The following SLC17A6 variants were observed in gnomAD, a reference collection of about 807,000 sequenced individuals.
SLC17A6 encodes solute carrier family 17 member 6.
A neutral mutation model predicts 67.1 loss-of-function variants in SLC17A6; 35 were observed. The observed-to-expected ratio is 0.52, with a 90% CI of 0.40 to 0.69. The LOEUF (loss-of-function observed/expected upper bound fraction) is 0.69. Ranked by LOEUF, SLC17A6 falls within the 30% of genes least tolerant of loss-of-function variation. The pLI is 0.00. For synonymous variants in SLC17A6, 285 were observed against 252.3 expected (o/e 1.13, Z -1.23); for missense variants, 588 against 723.9 (o/e 0.81, Z 2.15).
intron 7 of SLC17A6, among the ~76,000 whole-genome samples, chr11:22,367,104 T>A (rs1458848572): frequency 2.0e-5 from 3 of 152,048 alleles, no homozygotes; most frequent in Non-Finnish European, 4.4e-5. Context: ...AGTTTCCTTA[T>A]GCTAAGAGCT....
chr11:22,365,729 C>T, intron 7 of SLC17A6, 40 bp downstream of exon 7: 1 of 1,567,286 alleles, frequency 6.4e-7, no homozygotes, highest in Non-Finnish European at 8.6e-7. Flanking sequence ...ATCTTATTCC[C>T]ATCTCGCCCC....
In SLC17A6 at chr11:22,351,956, A is replaced by C. The variant is rs151052148; in HGVS notation, c.459-7457A>C. 3.4e-3 allele frequency among the ~76,000 whole-genome samples: 524 copies of C among 152,304 alleles called. 3 individuals carry two copies. The highest frequency in any genetic ancestry group is 0.011 in the African/African-American group (478 of 41,578). On this transcript the variant is annotated intron_variant, in intron 3 of 11. Transcript: ENST00000263160. The stretch of plus-strand genomic sequence containing the variant: ...CCTTCTGTCTGCTAATATACAGAAA[A>C]TATATTTAATGCTTCTGTCTTCTAG...
At chr11:22,344,303 G>A (rs1855851926) in intron 3 of SLC17A6, among the ~76,000 whole-genome samples, 1 of 152,048 alleles carries the variant, frequency 6.6e-6, no homozygotes, top group South Asian at 2.1e-4. Context: ...CATTTTAAAG[G>A]AAGAGGACTA....
intron 5 of SLC17A6, 110 bp from the exon 6 acceptor site, chr11:22,362,629 A>G (rs1856065913): frequency 2.4e-6 from 2 of 841,514 alleles, no homozygotes; most frequent in African/African-American, 1.7e-5. Context: ...TGTGAGGCCC[A>G]TGTACCTGAG....
chr11:22,371,420 A>G lies in SLC17A6; in HGVS notation c.1041+1232A>G, dbSNP rs191069471. ...TGTTTCTAAGGAAACTGTTTCCTCC[A>G]TCCCCGAGAAGAATGGCTGCTTTAG... is the stretch of plus-strand genomic sequence containing the variant. On this transcript the variant is annotated intron_variant, in intron 8 of 11. Coordinates refer to ENST00000263160, the MANE Select transcript of SLC17A6 (RefSeq NM_020346.3). Among the ~76,000 whole-genome samples the G allele has an allele frequency of 2.6e-5, 4 of 152,112 alleles. No homozygotes were observed. In the East Asian group the frequency reaches 7.7e-4, roughly 29 times the overall value.
At chr11:22,346,078 G>A (rs1855872337) in intron 3 of SLC17A6, among the ~76,000 whole-genome samples, 1 of 152,110 alleles carries the variant, frequency 6.6e-6, no homozygotes, top group East Asian at 1.9e-4. Flanking sequence ...ATTCAAATAA[G>A]CTTCTCTATA....
chr11:22,352,081 G>A lies in SLC17A6; in HGVS notation c.459-7332G>A, dbSNP rs140990512. ...AGGTTCTTTAAGAGGACACCTTATC[G>A]CCTCTGAAGCATTATTTCCTAATTT... On this transcript the variant is annotated intron_variant, in intron 3 of 11. Coordinates refer to ENST00000263160, the MANE Select transcript of SLC17A6 (RefSeq NM_020346.3). Among the ~76,000 whole-genome samples the A allele has an allele frequency of 8.8e-4, 127 of 144,692 alleles. 2 individuals carry two copies. In the East Asian group the frequency reaches 0.013, roughly 15 times the overall value. 94.9% of individuals were successfully genotyped at this position (144,692 alleles called of 152,430 possible). A position where few individuals can be genotyped will look rare whatever the true frequency, so the allele number is the denominator to read the frequency against.
chr11:22,372,828 G>C (rs989718384), intron 8 of SLC17A6, among the ~76,000 whole-genome samples: 2 of 152,094 alleles, frequency 1.3e-5, no homozygotes, highest in African/African-American at 4.8e-5. Context: ...GGAAGGTTTT[G>C]ATCATTTTGA....
rs760632946 is a variant in SLC17A6, at chr11:22,362,748, C to T, written c.671C>T (p.Ala224Val). The T allele has an allele frequency of 3.7e-6, 6 of 1,613,632 alleles. No homozygotes were observed. Among genetic ancestry groups the T allele is most frequent in the Non-Finnish European group, 5.1e-6 (6 of 1,179,560 alleles). ...LATTSFCGSY[A>V]GAVIAMPLAG... ...CTTCCTTACACTTTAGGTTCCTATG[C>T]CGGAGCTGTGATTGCAATGCCTTTA... Residue 224 changes from alanine (A) to valine (V), a missense_variant, in exon 6 of 12, where the codon GCC (alanine) becomes GTC (valine). Coordinates refer to ENST00000263160, the MANE Select transcript of SLC17A6 (RefSeq NM_020346.3).
At position 22,340,261 on chromosome 11, in the gene SLC17A6, C is replaced by T. The variant is rs569474827; in HGVS notation, c.87-1267C>T. On this transcript the variant is annotated intron_variant, in intron 1 of 11. Coordinates refer to ENST00000263160, the MANE Select transcript of SLC17A6 (RefSeq NM_020346.3). ...GGAAAAAATATCTGCAAATTGTAAA[C>T]GGAAAGGCTCTTTGTTTAAATATCG... Among the ~76,000 whole-genome samples the T allele has an allele frequency of 2.6e-5, 4 of 152,274 alleles. No homozygotes were observed. The East Asian group carries it at 7.7e-4, about 29-fold the overall frequency.
chr11:22,360,865 G>A (rs960328947), intron 4 of SLC17A6, 32 bp from the exon 5 acceptor site: 28 of 1,575,918 alleles, frequency 1.8e-5, no homozygotes, highest in Non-Finnish European at 2.4e-5. Flanking sequence ...ATCCTAAATG[G>A]TGACAGTGAT....
rs1323507319 is a variant in SLC17A6, at chr11:22,339,102, TG to T, written c.86+484del. 8.1e-5 allele frequency among the ~76,000 whole-genome samples: 5 copies of T among 61,662 alleles called. 1 individual carries two copies. The highest frequency in any genetic ancestry group is 2.2e-4 in the Admixed American group (1 of 4,520). The allele number at this position is 61,662 out of a possible 152,430, so 40.5% of individuals were successfully genotyped here. A position where few individuals can be genotyped will look rare whatever the true frequency, so the allele number is the denominator to read the frequency against. On this transcript the variant is annotated intron_variant, in intron 1 of 11. Transcript: ENST00000263160. ...GTTATATATATATGTTATATATATATGTTATATATATATGTTATATATATAT... is the reference window on the plus strand; with the variant it reads ...GTTATATATATATGTTATATATATATTTATATATATATGTTATATATATAT...
Position 22,376,466 on chromosome 11 carries a change from T to A in SLC17A6, c.1286-79T>A, listed in dbSNP as rs1856233791. 15 of 1,502,068 alleles carry A rather than the reference T, an allele frequency of 1.0e-5. No individual in the cohort carries two copies. In the South Asian group the frequency reaches 1.8e-4, roughly 18 times the overall value. The allele number at this position is 1,502,068 out of a possible 1,614,324, so 93.0% of individuals were successfully genotyped here. On this transcript the variant is annotated intron_variant, in intron 10 of 11. Coordinates refer to ENST00000263160, the MANE Select transcript of SLC17A6 (RefSeq NM_020346.3). ...TCTGTACCCAGTATATTTTAAGGAG[T>A]TGTGATGTGTGGTTCTATAGGTATT... is the stretch of plus-strand genomic sequence containing the variant.
chr11:22,376,201 T>C (rs997921699), intron 10 of SLC17A6, 109 bp downstream of exon 10: 1 of 612,030 alleles, frequency 1.6e-6, no homozygotes, highest in African/African-American at 1.9e-5. Flanking sequence ...ATATTCTATA[T>C]GTTGAATAAT....
chr11:22,339,084 ATATATGT>A (rs1212802302), intron 1 of SLC17A6, among the ~76,000 whole-genome samples: 7 of 107,724 alleles, frequency 6.5e-5, no homozygotes, highest in Non-Finnish European at 9.4e-5. Flanking sequence ...TATGTTATAT[ATATATGT>A]TATATATATA....
intron 3 of SLC17A6, among the ~76,000 whole-genome samples, chr11:22,353,229 A>G (rs1855961898): frequency 6.6e-6 from 1 of 152,188 alleles, no homozygotes; most frequent in Non-Finnish European, 1.5e-5. Context: ...TGAAGTATGG[A>G]AACATTTCCA....
chr11:22,358,502 T>C (rs1325376977), intron 3 of SLC17A6, among the ~76,000 whole-genome samples: 1 of 152,158 alleles, frequency 6.6e-6, no homozygotes, highest in Non-Finnish European at 1.5e-5. Flanking sequence ...TAATTATTTG[T>C]ATTTTGTGTA....
intron 3 of SLC17A6, among the ~76,000 whole-genome samples, chr11:22,356,186 AC>A (rs1462312532): frequency 3.3e-5 from 5 of 152,208 alleles, no homozygotes; most frequent in Non-Finnish European, 7.3e-5. Flanking sequence ...ATGAGTCAAT[AC>A]AAATGGAGAA....
intron 7 of SLC17A6, among the ~76,000 whole-genome samples, chr11:22,367,975 G>A (rs1856131929): frequency 6.6e-6 from 1 of 152,160 alleles, no homozygotes. Context: ...ATACAGCAAA[G>A]GAGAAAGAGT....
Sources: allele counts gnomAD v4.1 joint callset (sites outside exome capture counted in the v4.1 genomes callset), GRCh38; gene constraint gnomAD v4.1.1; transcripts MANE v1.5; gene names NCBI Gene and HGNC (gene_info 2026-07-23, HGNC 2026-07-21).